Variants in SLC12A9 observed in about 807,000 individuals in gnomAD.
SLC12A9 encodes CCC-interacting protein 1.
SLC12A9 carries 55 observed loss-of-function variants against 66.0 expected under a neutral mutation model. The ratio of observed to expected loss-of-function variants is 0.83; its 90% CI spans 0.67 to 1.04. SLC12A9 has a LOEUF of 1.04. SLC12A9 is among the 50% of genes least tolerant of loss of function. SLC12A9 has a pLI of 0.00. For missense variants in SLC12A9, 1,061 were observed against 1,241.9 expected (o/e 0.85, Z 2.19); for synonymous variants, 577 against 569.0 (o/e 1.01, Z -0.20).
At chr7:100,862,593 C>G (rs1814825135) in intron 12 of SLC12A9, 88 bp from the exon 13 acceptor site, 1 of 1,511,990 alleles carries the variant, frequency 6.6e-7, no homozygotes, top group Non-Finnish European at 9.1e-7. Flanking sequence ...TAGCCATAGC[C>G]CTGCCCAGGC....
chr7:100,829,346 G>T (rs550075824), intron 1 of SLC12A9, among the ~76,000 whole-genome samples: 24 of 152,318 alleles, frequency 1.6e-4, no homozygotes, highest in African/African-American at 5.1e-4. Context: ...CAAGAGAGAC[G>T]TTGGAGTCCA....
chr7:100,839,540 T>C (rs903319043), intron 1 of SLC12A9, among the ~76,000 whole-genome samples: 23 of 152,332 alleles, frequency 1.5e-4, no homozygotes, highest in African/African-American at 5.5e-4. Context: ...AAGCCTGCCG[T>C]GTGGAACATC....
chr7:100,866,540 A>AC lies in SLC12A9; in HGVS notation c.2683dup (p.Arg895ProfsTer19). On this transcript the variant is annotated frameshift_variant, in exon 14 of 14. Transcript: ENST00000354161. LOFTEE classifies it high-confidence loss of function. This position sits in a 1 kb window ranked among gnomAD's most constrained non-coding sequence, Gnocchi z 7.3. Reference sequence around the variant, plus strand: ...CTACCTGGCGCTACTGGAGACTCTAACCCGAGACCTGGGCCCCACGCTGCT... The same window carrying AC: ...CTACCTGGCGCTACTGGAGACTCTAACCCCGAGACCTGGGCCCCACGCTGCT... 1 of 1,584,534 alleles carries AC rather than the reference A, an allele frequency of 6.3e-7. No individual in the cohort carries two copies. Among genetic ancestry groups the AC allele is most frequent in the South Asian group, 1.2e-5 (1 of 86,880 alleles).
intron 12 of SLC12A9, among the ~76,000 whole-genome samples, chr7:100,862,236 T>C (rs1814802846): frequency 2.0e-5 from 3 of 151,930 alleles, no homozygotes; most frequent in African/African-American, 7.3e-5. Context: ...GAATTGTAGG[T>C]GTGAGCCACC....
intron 3 of SLC12A9, 80 bp downstream of exon 3, chr7:100,854,834 T>C (rs1009764037): frequency 6.4e-7 from 1 of 1,561,858 alleles, no homozygotes; most frequent in African/African-American, 1.4e-5. Flanking sequence ...TTACCTTTGT[T>C]GGCTCAGGGG....
Position 100,861,125 on chromosome 7 carries a change from G to GGCCCTT in SLC12A9, c.1219-8_1219-3dup. 1 of 1,614,160 alleles carries GGCCCTT rather than the reference G, an allele frequency of 6.2e-7. No individual in the cohort carries two copies. Reference sequence around the variant, plus strand: ...ACTTTGGAACAACGGCACGCCTCTTGGCCCTTGCCCAGCTGGTGCTCCTGG... The same window carrying GGCCCTT: ...ACTTTGGAACAACGGCACGCCTCTTGGCCCTTGCCCTTGCCCAGCTGGTGCTCCTGG... On this transcript the variant is annotated splice_polypyrimidine_tract_variant and intron_variant, in intron 9 of 13. Transcript: ENST00000354161. This position sits in a 1 kb window ranked among gnomAD's most constrained non-coding sequence, Gnocchi z 5.3.
chr7:100,863,588 G>A (rs73396632), intron 13 of SLC12A9, among the ~76,000 whole-genome samples: 1 of 152,190 alleles, frequency 6.6e-6, no homozygotes, highest in Non-Finnish European at 1.5e-5. Flanking sequence ...AAGAGGTTGG[G>A]ATGTAGGAGA....
intron 3 of SLC12A9, 73 bp from the exon 4 acceptor site, chr7:100,855,633 T>G (rs1814340915): frequency 1.2e-6 from 2 of 1,604,586 alleles, no homozygotes; most frequent in Non-Finnish European, 8.5e-7. Context: ...GGTTCAGTGC[T>G]TGGAGCTATG....
At position 100,861,963 on chromosome 7, in the gene SLC12A9, C is replaced by CT. The variant is rs371080486; in HGVS notation, c.1711+66dup. The CT allele has an allele frequency of 0.11, 124,036 of 1,175,670 alleles. No individual in the cohort carries two copies. The highest frequency in any genetic ancestry group is 0.11 in the Non-Finnish European group (100,078 of 873,352). 72.8% of individuals were successfully genotyped at this position (1,175,670 alleles called of 1,614,324 possible). On this transcript the variant is annotated intron_variant, in intron 12 of 13. Transcript: ENST00000354161. This position sits in a 1 kb window ranked among gnomAD's most constrained non-coding sequence, Gnocchi z 5.3. ...CACTCCCATCCTTCTCTCCCCCTAC[C>CT]TTTTTTTTTTTTTTGAGATGGAGCT...
At chr7:100,850,707 T>TTTC (rs1335027566), upstream of SLC12A9, among the ~76,000 whole-genome samples, 2 of 150,732 alleles carry the variant, frequency 1.3e-5, no homozygotes, top group East Asian at 2.0e-4. Context: ...TTAATTTTCT[T>TTTC]TTCTTCTTCT....
At chr7:100,839,217 C>G (rs1421059078) in intron 1 of SLC12A9, among the ~76,000 whole-genome samples, 1 of 151,966 alleles carries the variant, frequency 6.6e-6, no homozygotes. Flanking sequence ...CCCAGCTACT[C>G]AGGAGGCTGA....
intron 5 of SLC12A9, chr7:100,857,801 A>C (rs1305444426): frequency 6.6e-6 from 1 of 152,630 alleles, no homozygotes; most frequent in African/African-American, 2.4e-5. Context: ...AGTGCCAGAC[A>C]CTCGGGAAGC....
intron 1 of SLC12A9, among the ~76,000 whole-genome samples, chr7:100,829,652 G>A (rs1167421756): frequency 1.3e-5 from 2 of 151,870 alleles, no homozygotes; most frequent in East Asian, 1.9e-4. Flanking sequence ...CTTCTCCCTC[G>A]GGGTTCTCTG....
At chr7:100,864,152 C>T (rs1286417334) in intron 13 of SLC12A9, among the ~76,000 whole-genome samples, 1 of 147,508 alleles carries the variant, frequency 6.8e-6, no homozygotes, top group East Asian at 2.0e-4. Flanking sequence ...AATGTCAGCT[C>T]ACTGCAACCT....
upstream of SLC12A9, among the ~76,000 whole-genome samples, chr7:100,851,598 G>C (rs768823618): frequency 8.6e-5 from 13 of 151,340 alleles, no homozygotes; most frequent in Non-Finnish European, 1.5e-4. Flanking sequence ...TTCCAGAGAG[G>C]CCTGGGCAAC....
At chr7:100,859,261 C>T in intron 7 of SLC12A9, 100 bp downstream of exon 7, 2 of 1,169,536 alleles carry the variant, frequency 1.7e-6, no homozygotes, top group South Asian at 2.7e-5. Flanking sequence ...AGAAACCCAG[C>T]TTGTTGGGGT....
At chr7:100,848,654 A>G (rs1813975050), upstream of SLC12A9, among the ~76,000 whole-genome samples, 2 of 152,162 alleles carry the variant, frequency 1.3e-5, no homozygotes, top group South Asian at 4.1e-4. Context: ...TGGGAGGCCA[A>G]GGCGGGCGGA....
In SLC12A9 at chr7:100,861,341, C is replaced by G. The variant is rs199865530; in HGVS notation, c.1344-51C>G. ...GGCGTGGGGCTGGGGACTGCAGCCT[C>G]GTGTGCGGCCTGCCCTGAGTTTCTG... On this transcript the variant is annotated intron_variant, in intron 10 of 13. Coordinates refer to ENST00000354161, the MANE Select transcript of SLC12A9 (RefSeq NM_020246.4). The surrounding 1 kb of genome is among the most constrained non-coding windows in gnomAD (Gnocchi z 5.3). 1.7e-4 allele frequency: 275 copies of G among 1,611,280 alleles called. No individual in the cohort carries two copies. The highest frequency in any genetic ancestry group is 2.2e-4 in the Non-Finnish European group (258 of 1,178,018).
At chr7:100,845,301 G>A (rs1176878654) in intron 1 of SLC12A9, among the ~76,000 whole-genome samples, 1 of 150,190 alleles carries the variant, frequency 6.7e-6, no homozygotes, top group Non-Finnish European at 1.5e-5. Flanking sequence ...ACGCTAGGCT[G>A]CCTGACCAGC....
Sources: gnomAD v4.1 joint callset for allele counts (sites outside exome capture counted in the v4.1 genomes callset) on GRCh38, gnomAD v4.1.1 for gene constraint, Gnocchi (gnomAD v3.1) non-coding constraint, MANE v1.5 for transcripts, NCBI Gene and HGNC (gene_info 2026-07-23, HGNC 2026-07-21) for gene names.